Variants in ADGRL4 observed in about 807,000 individuals in gnomAD.
ADGRL4 encodes EGF, latrophilin and seven transmembrane domain containing 1.
A neutral mutation model predicts 74.8 loss-of-function variants in ADGRL4; 90 were observed. The observed-to-expected ratio is 1.20, with a 90% CI of 1.02 to 1.43. ADGRL4 has a LOEUF of 1.43. ADGRL4 is among the 40% of genes most tolerant of loss of function. The pLI, the probability that ADGRL4 is intolerant of heterozygous loss-of-function variation, is 0.00. For synonymous variants in ADGRL4, 311 were observed against 279.2 expected, an observed-to-expected ratio of 1.11 and a Z score of -1.14; for missense variants, 881 against 814.3, an observed-to-expected ratio of 1.08 and a Z score of -1.00.
At chr1:78,998,168 C>T (rs1329608338) in intron 2 of ADGRL4, among the ~76,000 whole-genome samples, 3 of 151,982 alleles carry the variant, frequency 2.0e-5, no homozygotes, top group African/African-American at 7.2e-5. Context: ...GTGCATTGAA[C>T]TGCCCCCTTT....
intron 2 of ADGRL4, among the ~76,000 whole-genome samples, chr1:78,998,560 G>A (rs2100740762): frequency 6.6e-6 from 1 of 151,960 alleles, no homozygotes. Flanking sequence ...AGTAGAGACG[G>A]GGTTTCACCA....
intron 10 of ADGRL4, 47 bp from the exon 11 acceptor site, chr1:78,918,097 A>T (rs1205063482): frequency 1.4e-6 from 2 of 1,465,968 alleles, no homozygotes; most frequent in South Asian, 2.4e-5. Context: ...GTTTGTTTTA[A>T]AATTATCATA....
At chr1:78,933,009 G>A (rs550164800) in intron 7 of ADGRL4, among the ~76,000 whole-genome samples, 1 of 151,468 alleles carries the variant, frequency 6.6e-6, no homozygotes, top group African/African-American at 2.4e-5. Context: ...GCAAAGAAGA[G>A]CTGGTGTTAT....
chr1:78,929,334 G>A (rs1649191626), intron 7 of ADGRL4, among the ~76,000 whole-genome samples: 1 of 151,212 alleles, frequency 6.6e-6, no homozygotes, highest in Non-Finnish European at 1.5e-5. Context: ...GGGCAATATG[G>A]CAAAACCACG....
At position 78,938,113 on chromosome 1, in the gene ADGRL4, T is replaced by A. The variant is rs779889438; in HGVS notation, c.563A>T (p.Asn188Ile). 6.2e-7 allele frequency: 1 copy of A among 1,612,594 alleles called. No homozygotes were observed. Among genetic ancestry groups the A allele is most frequent in the Admixed American group, 1.7e-5 (1 of 59,738 alleles). The change falls in exon 5 of 15, where the codon AAC becomes ATC. Residue 188 changes from asparagine to isoleucine, a missense_variant. Transcript: ENST00000370742. ...NTISAKDTLS[N>I]STLTEFVKTV... is the part of the protein sequence containing the mutation. ...GAACATACTTACAGTAAGAGTTGAG[T>A]TAGAAAGGGTGTCCTTGGCTGAGAT... is the stretch of plus-strand genomic sequence containing the variant.
At chr1:78,907,788 T>C (rs1052363607) in intron 12 of ADGRL4, among the ~76,000 whole-genome samples, 1 of 151,734 alleles carries the variant, frequency 6.6e-6, no homozygotes, top group Admixed American at 6.6e-5. Context: ...AAGCAGCCAG[T>C]GTGACTGAAT....
At chr1:78,892,673 T>C (rs963663753) in intron 13 of ADGRL4, among the ~76,000 whole-genome samples, 5 of 152,068 alleles carry the variant, frequency 3.3e-5, no homozygotes, top group Admixed American at 2.6e-4. Context: ...ATAGTATAAT[T>C]CAGCTCTTCC....
At chr1:78,977,744 C>A (rs893778435) in intron 2 of ADGRL4, among the ~76,000 whole-genome samples, 16 of 151,492 alleles carry the variant, frequency 1.1e-4, no homozygotes, top group East Asian at 1.9e-4. Flanking sequence ...CCTTTTTTTT[C>A]ATCTGGCACT....
chr1:79,004,347 A>T (rs531262218), intron 2 of ADGRL4, among the ~76,000 whole-genome samples: 11 of 152,218 alleles, frequency 7.2e-5, no homozygotes, highest in African/African-American at 2.6e-4. Context: ...AAATGAATTT[A>T]AAAAGATTGA....
intron 8 of ADGRL4, among the ~76,000 whole-genome samples, chr1:78,922,853 T>C (rs1235767788): frequency 6.6e-6 from 1 of 152,004 alleles, no homozygotes; most frequent in Non-Finnish European, 1.5e-5. Flanking sequence ...GAGTGACAAA[T>C]GTATAATATA....
Position 78,926,983 on chromosome 1 carries a change from TC to T in ADGRL4, c.985del (p.Glu329LysfsTer7). On this transcript the variant is annotated frameshift_variant, in exon 8 of 15. Transcript: ENST00000370742. LOFTEE classifies it high-confidence loss of function. ...TGAAATTACTGAAGATATGACTCTT[TC>T]CTCCTCTTCAGAATTATCATAATTT... ...PQNYDNSEEEERVISSVISVS... is the reference protein window; with the variant it reads ...PQNYDNSEEEXRVISSVISVS... The T allele has an allele frequency of 1.2e-6, 2 of 1,611,678 alleles. No individual in the cohort carries two copies. Among genetic ancestry groups the T allele is most frequent in the Non-Finnish European group, 1.7e-6 (2 of 1,178,374 alleles).
intron 2 of ADGRL4, among the ~76,000 whole-genome samples, chr1:78,961,104 A>G (rs1475163477): frequency 2.0e-5 from 3 of 146,796 alleles, no homozygotes; most frequent in Middle Eastern, 3.6e-3. Context: ...TTTTTTTTTT[A>G]TACGGAGTCT....
At chr1:79,004,323 C>T (rs1441007435) in intron 2 of ADGRL4, among the ~76,000 whole-genome samples, 2 of 151,996 alleles carry the variant, frequency 1.3e-5, no homozygotes, top group African/African-American at 4.8e-5. Context: ...CCAGTTAAAA[C>T]TAGATTTTAC....
chr1:78,977,076 G>A (rs1650300756), intron 2 of ADGRL4, among the ~76,000 whole-genome samples: 1 of 151,468 alleles, frequency 6.6e-6, no homozygotes, highest in Non-Finnish European at 1.5e-5. Context: ...ACTAAGTTGG[G>A]TTTATCTCAA....
chr1:78,936,233 G>A (rs1312027714), intron 7 of ADGRL4, 62 bp downstream of exon 7: 42 of 1,510,218 alleles, frequency 2.8e-5, no homozygotes, highest in Non-Finnish European at 3.7e-5. Context: ...ATAATCAAAT[G>A]CATGATAAAT....
intron 7 of ADGRL4, among the ~76,000 whole-genome samples, chr1:78,931,094 A>G (rs1290825416): frequency 6.6e-6 from 1 of 151,330 alleles, no homozygotes; most frequent in Non-Finnish European, 1.5e-5. Context: ...CACCACTAAG[A>G]TACTCCACGA....
intron 4 of ADGRL4, among the ~76,000 whole-genome samples, chr1:78,938,788 T>C (rs1219014024): frequency 6.6e-6 from 1 of 152,226 alleles, no homozygotes; most frequent in South Asian, 2.1e-4. Context: ...AATTATTTTA[T>C]AAATCACCTA....
At chr1:78,927,286 C>T (rs1262842576) in intron 7 of ADGRL4, among the ~76,000 whole-genome samples, 195 bp from the exon 8 acceptor site, 2 of 152,056 alleles carry the variant, frequency 1.3e-5, no homozygotes, top group Non-Finnish European at 2.9e-5. Context: ...TCTCTGACCT[C>T]AAAGAATTCA....
intron 2 of ADGRL4, among the ~76,000 whole-genome samples, chr1:78,955,239 T>C (rs2100702887): frequency 6.6e-6 from 1 of 152,276 alleles, no homozygotes; most frequent in Admixed American, 6.5e-5. Flanking sequence ...TTTGTGTTCT[T>C]GCTTTTGTTA....
Sources: gnomAD v4.1 joint callset for allele counts (sites outside exome capture counted in the v4.1 genomes callset) on GRCh38, gnomAD v4.1.1 for gene constraint, MANE v1.5 for transcripts, NCBI Gene and HGNC (gene_info 2026-07-23, HGNC 2026-07-21) for gene names.